The following CADPS2 variants were observed in gnomAD, a reference collection of about 807,000 sequenced individuals.
CADPS2 encodes calcium dependent secretion activator 2, also known as calcium-dependent secretion activator 2.
In CADPS2, 93 loss-of-function variants were observed where a neutral mutation model predicts 172.5. The observed-to-expected ratio is 0.54, with a 90% CI of 0.46 to 0.64. The LOEUF is 0.64. Ranked by LOEUF, CADPS2 falls within the 30% of genes least tolerant of loss-of-function variation. CADPS2 has a pLI of 0.00. For synonymous variants in CADPS2, 546 were observed against 555.2 expected (o/e 0.98, Z 0.23); for missense variants, 1,420 against 1,565.9 (o/e 0.91, Z 1.57).
chr7:122,745,461 C>T (rs2092683015), intron 1 of CADPS2, among the ~76,000 whole-genome samples: 1 of 151,752 alleles, frequency 6.6e-6, no homozygotes, highest in Non-Finnish European at 1.5e-5. Flanking sequence ...ATTCCGTTTC[C>T]CTCACAGCTA....
At chr7:122,432,373 C>G (rs2050045627) in intron 17 of CADPS2, among the ~76,000 whole-genome samples, 1 of 152,058 alleles carries the variant, frequency 6.6e-6, no homozygotes, top group Admixed American at 6.5e-5. Flanking sequence ...GGCACTGTGG[C>G]TCATGCTTGT....
chr7:122,447,069 C>A (rs559158423), intron 15 of CADPS2, among the ~76,000 whole-genome samples: 1 of 143,456 alleles, frequency 7.0e-6, no homozygotes, highest in Non-Finnish European at 1.5e-5. Flanking sequence ...ACCACATTCC[C>A]CCACTATAAA....
At position 122,646,956 on chromosome 7, in the gene CADPS2, T is replaced by C. The variant is rs548166452; in HGVS notation, c.786+16281A>G. On this transcript the variant is annotated intron_variant, in intron 3 of 29. Coordinates refer to ENST00000449022, the MANE Select transcript of CADPS2 (RefSeq NM_017954.11). ...GAAACAGCAGTATGGAGTAATTCAG[T>C]TGGAAAGGCAATAAAAAAGGAAGGG... 3.3e-5 allele frequency among the ~76,000 whole-genome samples: 5 copies of C among 152,144 alleles called. No homozygotes were observed. In the East Asian group the frequency reaches 9.7e-4, roughly 29 times the overall value.
intron 1 of CADPS2, among the ~76,000 whole-genome samples, chr7:122,803,150 G>A (rs1798007913): frequency 6.6e-6 from 1 of 151,866 alleles, no homozygotes; most frequent in Non-Finnish European, 1.5e-5. Context: ...TATAAACTCA[G>A]AAAAAAACAT....
intron 3 of CADPS2, among the ~76,000 whole-genome samples, chr7:122,634,960 TGA>T (rs2076922918): frequency 6.6e-6 from 1 of 152,192 alleles, no homozygotes; most frequent in African/African-American, 2.4e-5. Context: ...TATATAGGTC[TGA>T]GAGATCTTCT....
chr7:122,430,809 T>C (rs971490879), intron 17 of CADPS2, among the ~76,000 whole-genome samples: 1 of 152,232 alleles, frequency 6.6e-6, no homozygotes, highest in Non-Finnish European at 1.5e-5. Flanking sequence ...TTGTTTTATT[T>C]AACCCATTAT....
chr7:122,591,463 C>G (rs1335499613), intron 6 of CADPS2, among the ~76,000 whole-genome samples: 2 of 152,122 alleles, frequency 1.3e-5, no homozygotes, highest in African/African-American at 4.8e-5. Context: ...CAATGACTTT[C>G]TTCACAGAAT....
At chr7:122,574,657 T>C (rs917035149) in intron 7 of CADPS2, among the ~76,000 whole-genome samples, 3 of 150,998 alleles carry the variant, frequency 2.0e-5, no homozygotes, top group African/African-American at 7.3e-5. Flanking sequence ...AAAAAACATA[T>C]TGGTGCTGTG....
chr7:122,624,106 G>T (rs2075854806), intron 4 of CADPS2, among the ~76,000 whole-genome samples: 1 of 152,104 alleles, frequency 6.6e-6, no homozygotes, highest in Non-Finnish European at 1.5e-5. Flanking sequence ...AAGCTTTGAG[G>T]TTTATTGATA....
chr7:122,459,018 T>C lies in CADPS2; in HGVS notation c.2187-7543A>G, dbSNP rs145201332. Among the ~76,000 whole-genome samples the C allele has an allele frequency of 4.0e-3, 603 of 151,910 alleles. 7 individuals carry two copies. Among genetic ancestry groups the C allele is most frequent in the African/African-American group, 0.014 (573 of 41,496 alleles). ...TATATCATACTATGAGAAGAGAAAT[T>C]TGAAAAATAAAGACCAAAATGAAAA... On this transcript the variant is annotated intron_variant, in intron 14 of 29. Coordinates refer to ENST00000449022, the MANE Select transcript of CADPS2 (RefSeq NM_017954.11).
intron 29 of CADPS2, among the ~76,000 whole-genome samples, chr7:122,322,366 T>C (rs773782188): frequency 6.6e-6 from 1 of 152,230 alleles, no homozygotes; most frequent in African/African-American, 2.4e-5. Flanking sequence ...ACCGCTTTCT[T>C]ATTCAATTAG....
intron 25 of CADPS2, among the ~76,000 whole-genome samples, chr7:122,370,217 T>C (rs985295693): frequency 3.3e-5 from 5 of 152,120 alleles, no homozygotes; most frequent in African/African-American, 1.2e-4. Flanking sequence ...ATGGCTTGCA[T>C]TTTATGTTTG....
chr7:122,449,638 A>G (rs904676188), intron 15 of CADPS2, among the ~76,000 whole-genome samples: 4 of 152,164 alleles, frequency 2.6e-5, no homozygotes, highest in African/African-American at 9.7e-5. Context: ...ACAACAGCAA[A>G]TGCAGAAACA....
Position 122,480,868 on chromosome 7 carries a change from T to C in CADPS2, c.1853-8A>G. On this transcript the variant is annotated splice_region_variant and splice_polypyrimidine_tract_variant and intron_variant, in intron 11 of 29. Transcript: ENST00000449022. ...AATACTTACCTTTACCAGCTACAGG[T>C]CAGCAAAGAAATGAGAAACAAAGCA... 1.3e-6 allele frequency: 2 copies of C among 1,519,572 alleles called. No homozygotes were observed. Among genetic ancestry groups the C allele is most frequent in the Non-Finnish European group, 1.8e-6 (2 of 1,137,132 alleles). The allele number at this position is 1,519,572 out of a possible 1,614,324, so 94.1% of individuals were successfully genotyped here. A position where few individuals can be genotyped will look rare whatever the true frequency, so the allele number is the denominator to read the frequency against.
chr7:122,561,040 C>T (rs2065689466), intron 7 of CADPS2, among the ~76,000 whole-genome samples: 1 of 152,096 alleles, frequency 6.6e-6, no homozygotes, highest in Non-Finnish European at 1.5e-5. Context: ...CTTGAGGTTG[C>T]TAAATCTAAA....
At chr7:122,610,600 A>T (rs1221554886) in intron 6 of CADPS2, among the ~76,000 whole-genome samples, 1 of 152,100 alleles carries the variant, frequency 6.6e-6, no homozygotes, top group East Asian at 1.9e-4. Flanking sequence ...TTCTGAAGTG[A>T]TATGTTTAAA....
intron 9 of CADPS2, among the ~76,000 whole-genome samples, chr7:122,505,844 C>T (rs554948533): frequency 6.6e-6 from 1 of 152,158 alleles, no homozygotes; most frequent in Non-Finnish European, 1.5e-5. Flanking sequence ...TTTAATATCC[C>T]AAGAGATCTT....
chr7:122,364,683 C>T (rs1172319402), intron 25 of CADPS2, among the ~76,000 whole-genome samples: 6 of 149,898 alleles, frequency 4.0e-5, no homozygotes, highest in Non-Finnish European at 4.4e-5. Context: ...GCCGAGATTG[C>T]GCCACTGCAC....
intron 1 of CADPS2, 96 bp from the exon 2 acceptor site, chr7:122,737,164 T>A: frequency 1.5e-6 from 1 of 657,778 alleles, no homozygotes; most frequent in East Asian, 2.8e-5. Flanking sequence ...AGATTTCACA[T>A]CTAGAATTAA....
Sources: gnomAD v4.1 joint callset for allele counts (sites outside exome capture counted in the v4.1 genomes callset) on GRCh38, gnomAD v4.1.1 for gene constraint, MANE v1.5 for transcripts, NCBI Gene and HGNC (gene_info 2026-07-23, HGNC 2026-07-21) for gene names.